The following DACH1 variants were observed in gnomAD, a reference collection of about 807,000 sequenced individuals.
The protein encoded by DACH1 is dachshund family transcription factor 1, also known as dachshund homolog 1.
Under a neutral mutation model 54.2 loss-of-function variants are expected in DACH1, and 12 were observed. The observed-to-expected ratio is 0.22, with a 90% CI of 0.14 to 0.36. DACH1 has a LOEUF of 0.36. DACH1 is among the 10% of genes least tolerant of loss of function. The pLI, the probability that DACH1 is intolerant of heterozygous loss-of-function variation, is 1.00. For missense variants in DACH1, 805 were observed against 929.8 expected (o/e 0.87, Z 1.75); for synonymous variants, 386 against 366.2 (o/e 1.05, Z -0.62).
intron 1 of DACH1, among the ~76,000 whole-genome samples, chr13:71,770,408 T>C (rs1021205915): frequency 1.3e-5 from 2 of 151,644 alleles, no homozygotes; most frequent in East Asian, 1.9e-4. Context: ...AATTATCCTA[T>C]TATACAATAT....
chr13:71,609,096 T>C (rs1180332980), intron 3 of DACH1, among the ~76,000 whole-genome samples: 1 of 152,066 alleles, frequency 6.6e-6, no homozygotes, highest in Non-Finnish European at 1.5e-5. Context: ...ATAATAAATA[T>C]ATTAAGCAAC....
chr13:71,557,370 G>T (rs1338198567), intron 5 of DACH1, among the ~76,000 whole-genome samples: 1 of 151,994 alleles, frequency 6.6e-6, no homozygotes, highest in Non-Finnish European at 1.5e-5. Flanking sequence ...TATTGAAAAT[G>T]ACATCACCTC....
At chr13:71,805,928 C>T (rs1594243652) in intron 1 of DACH1, among the ~76,000 whole-genome samples, 2 of 152,108 alleles carry the variant, frequency 1.3e-5, no homozygotes, top group Admixed American at 1.3e-4. Flanking sequence ...CTGCCTCAGC[C>T]TCCCGAGTAG....
At chr13:71,511,683 G>A (rs1880783745) in intron 6 of DACH1, among the ~76,000 whole-genome samples, 1 of 151,762 alleles carries the variant, frequency 6.6e-6, no homozygotes, top group Non-Finnish European at 1.5e-5. Context: ...TTTAAAAAAT[G>A]GAAAAAGGAA....
intron 1 of DACH1, among the ~76,000 whole-genome samples, chr13:71,842,102 T>C (rs2138238299): frequency 6.6e-6 from 1 of 152,326 alleles, no homozygotes; most frequent in Non-Finnish European, 1.5e-5. Flanking sequence ...ACTCATTTAG[T>C]ACCTGTTTCC....
intron 6 of DACH1, among the ~76,000 whole-genome samples, chr13:71,541,736 G>A (rs1343227983): frequency 6.6e-6 from 1 of 151,874 alleles, no homozygotes; most frequent in East Asian, 1.9e-4. Flanking sequence ...TTAAATTCTT[G>A]TTATTAAAGA....
chr13:71,439,457 G>C lies in DACH1; in HGVS notation c.*1198C>G, dbSNP rs1873815227. 1.3e-5 allele frequency: 2 copies of C among 152,406 alleles called. No homozygotes were observed. The highest frequency in any genetic ancestry group is 2.9e-5 in the Non-Finnish European group (2 of 67,928). 9.4% of individuals were successfully genotyped at this position (152,406 alleles called of 1,614,324 possible). On this transcript the variant is annotated 3_prime_UTR_variant, in exon 11 of 11. Coordinates refer to ENST00000613252, the MANE Select transcript of DACH1 (RefSeq NM_080759.6). ...TTAACTTTATCACTCAGCGCTACATGGTATTGGACTGGTACATCAAGGTTT... is the reference window on the plus strand; with the variant it reads ...TTAACTTTATCACTCAGCGCTACATCGTATTGGACTGGTACATCAAGGTTT...
intron 2 of DACH1, among the ~76,000 whole-genome samples, chr13:71,676,804 A>G (rs1467177217): frequency 6.6e-6 from 1 of 152,156 alleles, no homozygotes; most frequent in Non-Finnish European, 1.5e-5. Flanking sequence ...GCAAGTTATA[A>G]ATTCTTACCT....
At chr13:71,542,040 G>A (rs1883165067) in intron 6 of DACH1, among the ~76,000 whole-genome samples, 1 of 151,002 alleles carries the variant, frequency 6.6e-6, no homozygotes, top group South Asian at 2.1e-4. Context: ...CTGAGGTCAG[G>A]AGTTCGAGAC....
At chr13:71,764,799 T>G (rs1488544361) in intron 1 of DACH1, among the ~76,000 whole-genome samples, 1 of 152,244 alleles carries the variant, frequency 6.6e-6, no homozygotes, top group Non-Finnish European at 1.5e-5. Flanking sequence ...AGGAGAACTC[T>G]TCTGCAGATT....
At chr13:71,522,190 T>C (rs1170105160) in intron 6 of DACH1, among the ~76,000 whole-genome samples, 1 of 152,096 alleles carries the variant, frequency 6.6e-6, no homozygotes, top group Non-Finnish European at 1.5e-5. Context: ...TAATATAAAC[T>C]ATTATTTGTT....
intron 4 of DACH1, among the ~76,000 whole-genome samples, chr13:71,560,466 G>T (rs1481212510): frequency 1.3e-5 from 2 of 151,972 alleles, no homozygotes; most frequent in Admixed American, 6.6e-5. Flanking sequence ...CACATTTTCA[G>T]GCATCATGGA....
intron 1 of DACH1, among the ~76,000 whole-genome samples, chr13:71,738,198 C>T (rs1884222274): frequency 6.6e-6 from 1 of 152,124 alleles, no homozygotes; most frequent in South Asian, 2.1e-4. Flanking sequence ...GGAAGTGATT[C>T]TTAAATAGGA....
chr13:71,594,479 A>G (rs1873953459), intron 3 of DACH1, among the ~76,000 whole-genome samples: 3 of 152,244 alleles, frequency 2.0e-5, no homozygotes, highest in Admixed American at 2.0e-4. Context: ...CTCATAAGCT[A>G]TAACATAAAA....
chr13:71,833,341 A>T (rs1001353075), intron 1 of DACH1, among the ~76,000 whole-genome samples: 2 of 151,976 alleles, frequency 1.3e-5, no homozygotes, highest in Non-Finnish European at 2.9e-5. Flanking sequence ...TATTTTGTTT[A>T]TCTTTGTTTA....
intron 6 of DACH1, among the ~76,000 whole-genome samples, chr13:71,502,268 T>A (rs975093332): frequency 2.0e-5 from 3 of 152,146 alleles, no homozygotes; most frequent in Middle Eastern, 3.2e-3. Context: ...CTTATGATTA[T>A]TTGTGATTAT....
chr13:71,712,268 T>C (rs1882755318), intron 1 of DACH1, among the ~76,000 whole-genome samples: 1 of 152,014 alleles, frequency 6.6e-6, no homozygotes, highest in South Asian at 2.1e-4. Flanking sequence ...AGAACTTCAA[T>C]CTGAAAACCT....
intron 1 of DACH1, among the ~76,000 whole-genome samples, chr13:71,806,693 C>T (rs934874326): frequency 1.3e-5 from 2 of 152,122 alleles, no homozygotes; most frequent in African/African-American, 4.8e-5. Flanking sequence ...CAAAGCTCAT[C>T]ATTATATCAC....
At chr13:71,619,269 A>G (rs980547668) in intron 3 of DACH1, among the ~76,000 whole-genome samples, 1 of 151,976 alleles carries the variant, frequency 6.6e-6, no homozygotes, top group African/African-American at 2.4e-5. Flanking sequence ...ATGTGTAACA[A>G]ACACATTGAT....
Sources: gnomAD v4.1 joint callset for allele counts (sites outside exome capture counted in the v4.1 genomes callset) on GRCh38, gnomAD v4.1.1 for gene constraint, MANE v1.5 for transcripts, NCBI Gene and HGNC (gene_info 2026-07-23, HGNC 2026-07-21) for gene names.